UQCC1: variants seen among roughly 807,000 people sequenced by gnomAD.
The protein encoded by UQCC1 is ubiquinol-cytochrome c reductase complex assembly factor 1.
UQCC1 carries 38 observed loss-of-function variants against 48.0 expected under a neutral mutation model. The observed-to-expected ratio is 0.79, with a 90% CI of 0.61 to 1.04. UQCC1 has a LOEUF of 1.04. Ranked by LOEUF, UQCC1 falls within the 50% of genes least tolerant of loss-of-function variation. The pLI is 0.00. For synonymous variants in UQCC1, 111 were observed against 129.2 expected (o/e 0.86, Z 0.95); for missense variants, 368 against 381.8 (o/e 0.96, Z 0.30).
At chr20:35,338,592 A>ATCC (rs1568665840) in intron 7 of UQCC1, among the ~76,000 whole-genome samples, 1 of 151,848 alleles carries the variant, frequency 6.6e-6, no homozygotes, top group Non-Finnish European at 1.5e-5. Context: ...CATGCCTGTA[A>ATCC]TCCCAGCACT....
At chr20:35,350,749 G>A (rs919842079) in intron 6 of UQCC1, among the ~76,000 whole-genome samples, 23 of 148,484 alleles carry the variant, frequency 1.5e-4, no homozygotes, top group African/African-American at 4.5e-4. Flanking sequence ...GATGTGATTC[G>A]AAACTTGTAG....
At position 35,346,882 on chromosome 20, in the gene UQCC1, A is replaced by T. The variant is rs114430864; in HGVS notation, c.573+282T>A. The stretch of plus-strand genomic sequence containing the variant: ...ATCATTTGATTCCCTCCATTCACCA[A>T]ATCCATCCCTCCTATCACCACGATT... On this transcript the variant is annotated intron_variant, in intron 7 of 9. Coordinates refer to ENST00000374385, the MANE Select transcript of UQCC1 (RefSeq NM_018244.5). The T allele has an allele frequency of 3.0e-5, 31 of 1,043,080 alleles. No individual in the cohort carries two copies. In the African/African-American group the frequency reaches 4.5e-4, roughly 15 times the overall value. The allele number at this position is 1,043,080 out of a possible 1,614,324, so 64.6% of individuals were successfully genotyped here.
chr20:35,352,394 T>C (rs1470431150), intron 6 of UQCC1, among the ~76,000 whole-genome samples: 1 of 152,244 alleles, frequency 6.6e-6, no homozygotes. Context: ...GGCCAGCTAC[T>C]GGAAGAAGAT....
rs150075168 is a variant in UQCC1 at position 35,348,821 on chromosome 20, T to C, written c.465-1549A>G. 6.6e-3 allele frequency among the ~76,000 whole-genome samples: 1,008 copies of C among 152,260 alleles called. 15 individuals carry two copies. Among genetic ancestry groups the C allele is most frequent in the African/African-American group, 0.023 (963 of 41,542 alleles). On this transcript the variant is annotated intron_variant, in intron 6 of 9. Transcript: ENST00000374385. ...GGTGTGCACCACCACGCCCAGCTAA[T>C]TTTTTATTTTTTTGTAGAGACGGGG...
chr20:35,335,914 A>G (rs1047985081), intron 7 of UQCC1, among the ~76,000 whole-genome samples: 1 of 152,228 alleles, frequency 6.6e-6, no homozygotes, highest in African/African-American at 2.4e-5. Flanking sequence ...GTGGTGGCTT[A>G]TGCCCAGCAC....
At chr20:35,374,352 A>C in intron 4 of UQCC1, 96 bp from the exon 5 acceptor site, 1 of 968,576 alleles carries the variant, frequency 1.0e-6, no homozygotes, top group South Asian at 1.6e-5. Flanking sequence ...TTCTTCAACT[A>C]GAAGGAAGGG....
At chr20:35,335,223 C>T (rs1395918240) in intron 7 of UQCC1, among the ~76,000 whole-genome samples, 1 of 152,128 alleles carries the variant, frequency 6.6e-6, no homozygotes, top group African/African-American at 2.4e-5. Flanking sequence ...CATAGTGTCA[C>T]CATATGACCC....
intron 6 of UQCC1, among the ~76,000 whole-genome samples, chr20:35,348,984 T>C (rs2061461270): frequency 6.6e-6 from 1 of 152,224 alleles, no homozygotes; most frequent in Non-Finnish European, 1.5e-5. Context: ...TCTCATTAAA[T>C]AGCTTATTAA....
At chr20:35,372,376 A>T (rs1033870159) in intron 5 of UQCC1, among the ~76,000 whole-genome samples, 4 of 152,278 alleles carry the variant, frequency 2.6e-5, no homozygotes, top group African/African-American at 9.6e-5. Context: ...TAGAGAAAAA[A>T]TATTTTTTCC....
intron 2 of UQCC1, among the ~76,000 whole-genome samples, chr20:35,387,276 G>A (rs928218228): frequency 1.3e-5 from 2 of 151,828 alleles, no homozygotes; most frequent in Non-Finnish European, 2.9e-5. Flanking sequence ...ACAGAGCAAG[G>A]CTCTGTCTCA....
At chr20:35,379,180 C>A (rs890460865) in intron 4 of UQCC1, among the ~76,000 whole-genome samples, 2 of 152,140 alleles carry the variant, frequency 1.3e-5, no homozygotes, top group African/African-American at 4.8e-5. Context: ...TTCCAAGATA[C>A]TCAAATAGGT....
intron 6 of UQCC1, among the ~76,000 whole-genome samples, chr20:35,355,800 C>T (rs1228812923): frequency 1.3e-5 from 2 of 152,052 alleles, no homozygotes; most frequent in African/African-American, 4.8e-5. Flanking sequence ...TATACACACA[C>T]AAGTTTATGT....
chr20:35,376,924 T>C (rs1406172895), intron 4 of UQCC1, among the ~76,000 whole-genome samples: 1 of 149,786 alleles, frequency 6.7e-6, no homozygotes, highest in African/African-American at 2.5e-5. Context: ...CACTCCAGCC[T>C]GGCGACAGAG....
At chr20:35,410,704 C>CAAAAAAAAAAAAAAAAAAAAAAAAA (rs1183843739) in intron 1 of UQCC1, among the ~76,000 whole-genome samples, 33 of 2,710 alleles carry the variant, frequency 0.012, 11 homozygotes, top group Non-Finnish European at 0.014. Flanking sequence ...GACTCTGCCT[C>CAAAAAAAAAAAAAAAAAAAAAAAAA]AAAAAAAAAA....
intron 5 of UQCC1, among the ~76,000 whole-genome samples, chr20:35,368,879 T>C (rs565456222): frequency 2.0e-5 from 3 of 152,320 alleles, no homozygotes; most frequent in South Asian, 4.1e-4. Flanking sequence ...TTAAGACACA[T>C]GCCATCTGAG....
chr20:35,314,336 C>T (rs2061031848), intron 8 of UQCC1, among the ~76,000 whole-genome samples: 1 of 151,834 alleles, frequency 6.6e-6, no homozygotes, highest in Admixed American at 6.6e-5. Flanking sequence ...GCCTGGCAGA[C>T]CATGCTGTTT....
intron 8 of UQCC1, among the ~76,000 whole-genome samples, chr20:35,312,860 G>C (rs1178214156): frequency 1.3e-5 from 2 of 152,114 alleles, no homozygotes; most frequent in Non-Finnish European, 2.9e-5. Context: ...CAAATTCATA[G>C]AGACATAAAG....
chr20:35,312,398 G>A (rs1475315432), intron 8 of UQCC1, among the ~76,000 whole-genome samples: 1 of 152,044 alleles, frequency 6.6e-6, no homozygotes, highest in Non-Finnish European at 1.5e-5. Context: ...CTTAACTTTT[G>A]TCCTTTTATG....
chr20:35,314,706 C>A lies in UQCC1; in HGVS notation c.633G>T (p.Ala211=). The change falls in exon 8 of 10, where the codon GCG becomes GCT. Residue 211 remains alanine (A), a synonymous_variant. Transcript: ENST00000374385. Reference sequence around the variant, plus strand: ...ATCTTACCTCATCATATCCCAAGATCGCTGCATAGAAATGATTTGTCATGA... The same window carrying A: ...ATCTTACCTCATCATATCCCAAGATAGCTGCATAGAAATGATTTGTCATGA... The part of the protein sequence containing the change: ...MILMTNHFYA[A]ILGYDEGILS... The A allele has an allele frequency of 4.4e-6, 7 of 1,607,964 alleles. No individual in the cohort carries two copies. The highest frequency in any genetic ancestry group is 1.1e-5 in the South Asian group (1 of 90,546).
Sources: gnomAD v4.1 joint callset for allele counts (sites outside exome capture counted in the v4.1 genomes callset) on GRCh38, gnomAD v4.1.1 for gene constraint, MANE v1.5 for transcripts, NCBI Gene and HGNC (gene_info 2026-07-23, HGNC 2026-07-21) for gene names.